The following DTNBP1 variants were observed in gnomAD, a reference collection of about 807,000 sequenced individuals.
The protein encoded by DTNBP1 is dystrobrevin binding protein 1.
A neutral mutation model predicts 42.8 loss-of-function variants in DTNBP1; 35 were observed. The observed-to-expected ratio is 0.82, with a 90% confidence interval of 0.63 to 1.09. DTNBP1 has a LOEUF of 1.09. DTNBP1 is among the 50% of genes least tolerant of loss of function. DTNBP1 has a pLI of 0.00. For missense variants in DTNBP1, 457 were observed against 424.2 expected (o/e 1.08, Z -0.68); for synonymous variants, 171 against 162.2 (o/e 1.05, Z -0.41).
In DTNBP1 at chr6:15,522,925, T is replaced by A; in HGVS notation, c.*50A>T. On this transcript the variant is annotated 3_prime_UTR_variant, in exon 10 of 10. Transcript: ENST00000344537. ...CTGGCTTTCCAGGTGGAATTCCGCA[T>A]ACAGCCAAAACTGGATTCCAGTGTG... 1 of 1,614,172 alleles carries A rather than the reference T, an allele frequency of 6.2e-7. No homozygotes were observed. The highest frequency in any genetic ancestry group is 1.1e-5 in the South Asian group (1 of 91,060).
At chr6:15,618,992 G>A (rs1370416794) in intron 5 of DTNBP1, among the ~76,000 whole-genome samples, 1 of 152,188 alleles carries the variant, frequency 6.6e-6, no homozygotes, top group Non-Finnish European at 1.5e-5. Context: ...GATAAATACT[G>A]TATGTTTTCA....
chr6:15,523,006 G>C lies in DTNBP1; in HGVS notation c.1025C>G (p.Thr342Ser). The change falls in exon 10 of 10, where the codon ACT becomes AGT. Residue 342 changes from threonine (T) to serine (S), a missense_variant. Transcript: ENST00000344537. ...LATSHTDREA[T>S]PDGGEDSDS ...GTCGCTGTCCTCACCACCATCCGGAGTGGCCTCTCTGTCAGTGTGTGATGT... is the reference window on the plus strand; with the variant it reads ...GTCGCTGTCCTCACCACCATCCGGACTGGCCTCTCTGTCAGTGTGTGATGT... The C allele has an allele frequency of 1.2e-6, 2 of 1,614,234 alleles. No homozygotes were observed. Among genetic ancestry groups the C allele is most frequent in the Admixed American group, 3.3e-5 (2 of 60,028 alleles).
At chr6:15,648,403 T>A (rs1305601458) in intron 3 of DTNBP1, among the ~76,000 whole-genome samples, 1 of 151,936 alleles carries the variant, frequency 6.6e-6, no homozygotes, top group African/African-American at 2.4e-5. Context: ...GCCAGAGCAA[T>A]TAGGCAAGAA....
chr6:15,533,940 G>GT (rs1379588485), intron 7 of DTNBP1, among the ~76,000 whole-genome samples: 1 of 152,236 alleles, frequency 6.6e-6, no homozygotes, highest in Non-Finnish European at 1.5e-5. Flanking sequence ...TTAAAAGTAT[G>GT]TAACAGTAGA....
At chr6:15,604,588 T>C (rs903124881) in intron 6 of DTNBP1, among the ~76,000 whole-genome samples, 4 of 152,216 alleles carry the variant, frequency 2.6e-5, no homozygotes, top group African/African-American at 9.7e-5. Context: ...GCAGGTGAGC[T>C]TGAACACTCA....
At chr6:15,595,474 C>G (rs1776480668) in intron 6 of DTNBP1, among the ~76,000 whole-genome samples, 1 of 151,866 alleles carries the variant, frequency 6.6e-6, no homozygotes, top group African/African-American at 2.4e-5. Flanking sequence ...ACCATGTTGG[C>G]CAGACTGGCC....
intron 8 of DTNBP1, among the ~76,000 whole-genome samples, chr6:15,527,896 C>A (rs960883424): frequency 6.6e-6 from 1 of 152,038 alleles, no homozygotes; most frequent in Non-Finnish European, 1.5e-5. Flanking sequence ...CCAAAATTAA[C>A]GAGAAATAGT....
At chr6:15,566,314 CAAA>C (rs34136394) in intron 7 of DTNBP1, among the ~76,000 whole-genome samples, 12 of 90,472 alleles carry the variant, frequency 1.3e-4, no homozygotes, top group African/African-American at 2.0e-4. Context: ...GACTCCGTCT[CAAA>C]AAAAAAAAAA....
At chr6:15,564,832 T>C (rs946291365) in intron 7 of DTNBP1, among the ~76,000 whole-genome samples, 2 of 151,086 alleles carry the variant, frequency 1.3e-5, no homozygotes, top group African/African-American at 4.9e-5. Context: ...CAAAATCACA[T>C]GGCTGGGCAA....
intron 6 of DTNBP1, among the ~76,000 whole-genome samples, chr6:15,602,818 T>C (rs1776781478): frequency 6.6e-6 from 1 of 152,236 alleles, no homozygotes; most frequent in Non-Finnish European, 1.5e-5. Flanking sequence ...ACTTTAGGTT[T>C]TCATGCCTCT....
rs9349980 is a variant in DTNBP1 at position 15,530,643 on chromosome 6, C to A, written c.667+2597G>T. On this transcript the variant is annotated intron_variant, in intron 8 of 9. Transcript: ENST00000344537. ...GAAGCTGCTCCTTCCAAGCCGGCCA[C>A]GCGTCTACTACTTCATCATCCTCTC... Among the ~76,000 whole-genome samples, 12 of 152,168 alleles carry A rather than the reference C, an allele frequency of 7.9e-5. No homozygotes were observed. The East Asian group carries it at 2.3e-3, about 29-fold the overall frequency.
intron 7 of DTNBP1, among the ~76,000 whole-genome samples, chr6:15,574,217 G>C (rs1222487115): frequency 6.6e-6 from 1 of 152,234 alleles, no homozygotes; most frequent in African/African-American, 2.4e-5. Flanking sequence ...AGCACTGGCT[G>C]AGGGCCTACT....
In DTNBP1 at chr6:15,587,329, G is replaced by C. The variant is rs1251130383; in HGVS notation, c.511+5730C>G. 6.6e-6 allele frequency among the ~76,000 whole-genome samples: 1 copy of C among 152,124 alleles called. No individual in the cohort carries two copies. Among genetic ancestry groups the C allele is most frequent in the Non-Finnish European group, 1.5e-5 (1 of 68,018 alleles). ...TTAAGATGACAATTTTCCCCAAATT[G>C]ATCTATACATGCAACACAACCATCC... On this transcript the variant is annotated intron_variant, in intron 7 of 9. Transcript: ENST00000344537. This position sits in a 1 kb window ranked among gnomAD's most constrained non-coding sequence, Gnocchi z 4.1.
At chr6:15,544,498 A>G (rs1297063830) in intron 7 of DTNBP1, among the ~76,000 whole-genome samples, 1 of 152,246 alleles carries the variant, frequency 6.6e-6, no homozygotes, top group Non-Finnish European at 1.5e-5. Flanking sequence ...TCTTTTCCAG[A>G]GTAGCTATTC....
intron 6 of DTNBP1, among the ~76,000 whole-genome samples, chr6:15,604,516 G>A (rs1215285465): frequency 6.6e-6 from 1 of 152,126 alleles, no homozygotes; most frequent in African/African-American, 2.4e-5. Flanking sequence ...GCTCCGCAAA[G>A]CCAGGCCTGA....
Position 15,658,717 on chromosome 6 carries a change from A to C in DTNBP1, c.56+4097T>G, listed in dbSNP as rs540187292. The stretch of plus-strand genomic sequence containing the variant: ...AAAGTCAAAGACCAGAGTGGCTTCG[A>C]AGTATGTACTTTGGTATGTCCAAAA... On this transcript the variant is annotated intron_variant, in intron 1 of 9. Coordinates refer to ENST00000344537, the MANE Select transcript of DTNBP1 (RefSeq NM_032122.5). Among the ~76,000 whole-genome samples, 6 of 152,348 alleles carry C rather than the reference A, an allele frequency of 3.9e-5. No individual in the cohort carries two copies. The South Asian group carries it at 1.2e-3, about 32-fold the overall frequency.
chr6:15,592,994 C>A (rs1389286727), intron 7 of DTNBP1, 65 bp downstream of exon 7: 4 of 1,411,988 alleles, frequency 2.8e-6, no homozygotes, highest in Non-Finnish European at 3.9e-6. Flanking sequence ...TCATCATTGT[C>A]GAGAGAACAT....
At chr6:15,547,790 T>A (rs1038434969) in intron 7 of DTNBP1, among the ~76,000 whole-genome samples, 2 of 152,230 alleles carry the variant, frequency 1.3e-5, no homozygotes, top group Non-Finnish European at 2.9e-5. Context: ...TGTGACCAGA[T>A]CTGTGCTTTG....
Position 15,582,998 on chromosome 6 carries a change from G to T in DTNBP1, c.511+10061C>A, listed in dbSNP as rs575508562. Among the ~76,000 whole-genome samples the T allele has an allele frequency of 1.4e-4, 22 of 152,084 alleles. No individual in the cohort carries two copies. The East Asian group carries it at 4.2e-3, about 29-fold the overall frequency. ...TGCTGATTCATTTTATTTTATTTTAGAGACAGGGTCTTGCTCTGTTGCCCA... is the reference window on the plus strand; with the variant it reads ...TGCTGATTCATTTTATTTTATTTTATAGACAGGGTCTTGCTCTGTTGCCCA... On this transcript the variant is annotated intron_variant, in intron 7 of 9. Transcript: ENST00000344537.
Sources: gnomAD v4.1 joint callset for allele counts (sites outside exome capture counted in the v4.1 genomes callset) on GRCh38, gnomAD v4.1.1 for gene constraint, Gnocchi (gnomAD v3.1) non-coding constraint, MANE v1.5 for transcripts, NCBI Gene and HGNC (gene_info 2026-07-23, HGNC 2026-07-21) for gene names.